PSMD1: variants seen among roughly 807,000 people sequenced by gnomAD.
The protein encoded by PSMD1 is 26S proteasome non-ATPase regulatory subunit 1.
In PSMD1, 18 loss-of-function variants were observed where a neutral mutation model predicts 119.0. The ratio of observed to expected loss-of-function variants is 0.15; its 90% CI spans 0.10 to 0.22. The LOEUF (loss-of-function observed/expected upper bound fraction) is 0.22, where lower values mean the gene tolerates loss of function less well. Ranked by LOEUF, PSMD1 falls within the 10% of genes least tolerant of loss-of-function variation. The probability of loss-of-function intolerance (pLI) is 1.00; values close to 1 mark genes in which losing one functional copy is unlikely to be tolerated. For synonymous variants in PSMD1, 374 were observed against 396.6 expected, an observed-to-expected ratio of 0.94 and a Z score of 0.68; for missense variants, 702 against 1,158.5, an observed-to-expected ratio of 0.61 and a Z score of 5.72.
Position 231,165,276 on chromosome 2 carries a change from A to G in PSMD1, c.2558A>G (p.Lys853Arg). Residue 853 changes from lysine (K) to arginine (R), a missense_variant, in exon 22 of 25, where the codon AAA (lysine) becomes AGA (arginine). Around this residue, in one of 9 missense-constraint regions of PSMD1, gnomAD observed 152 missense variants for 239.3 expected, o/e 0.64. Coordinates refer to ENST00000308696, the MANE Select transcript of PSMD1 (RefSeq NM_002807.4). ...EKEKEKKEEE[K>R]MEVDEAEKKE... ...GAAAAGGAAAAAAAGGAGGAGGAGA[A>G]AATGGAAGTGGTAGGTATAAATTGG... 1 of 1,598,722 alleles carries G rather than the reference A, an allele frequency of 6.3e-7. No homozygotes were observed. The highest frequency in any genetic ancestry group is 2.3e-5 in the East Asian group (1 of 44,024).
chr2:231,150,283 G>A (rs1696344213), intron 18 of PSMD1, among the ~76,000 whole-genome samples: 1 of 151,280 alleles, frequency 6.6e-6, no homozygotes, highest in Non-Finnish European at 1.5e-5. Flanking sequence ...GGAGGCGGAG[G>A]TTGCAGTGAG....
chr2:231,109,940 C>T (rs1453438947), intron 16 of PSMD1, among the ~76,000 whole-genome samples: 1 of 152,126 alleles, frequency 6.6e-6, no homozygotes, highest in African/African-American at 2.4e-5. Flanking sequence ...TTAGGGAAAA[C>T]TAAAGTTCAT....
chr2:231,098,399 TTCTC>T (rs966158664), intron 16 of PSMD1, among the ~76,000 whole-genome samples: 14 of 152,202 alleles, frequency 9.2e-5, no homozygotes, highest in African/African-American at 3.4e-4. Context: ...TGAGTTTCTG[TTCTC>T]TCTCTTTCTC....
intron 16 of PSMD1, among the ~76,000 whole-genome samples, chr2:231,129,188 TTACTA>T (rs574493644): frequency 6.6e-5 from 10 of 152,326 alleles, no homozygotes; most frequent in South Asian, 4.1e-4. Flanking sequence ...TTTATGTTGA[TTACTA>T]TAAAAATCAA....
At chr2:231,115,680 T>C (rs1695306621) in intron 16 of PSMD1, among the ~76,000 whole-genome samples, 1 of 152,096 alleles carries the variant, frequency 6.6e-6, no homozygotes, top group Non-Finnish European at 1.5e-5. Flanking sequence ...TGCAGATGAG[T>C]AAATTCAGGT....
At chr2:231,074,226 C>T (rs1694106716) in intron 7 of PSMD1, among the ~76,000 whole-genome samples, 1 of 152,280 alleles carries the variant, frequency 6.6e-6, no homozygotes. Context: ...CTGCCTCAGC[C>T]TCCTGAGTAG....
At chr2:231,118,834 TG>T (rs1475103553) in intron 16 of PSMD1, among the ~76,000 whole-genome samples, 2 of 152,234 alleles carry the variant, frequency 1.3e-5, no homozygotes, top group Non-Finnish European at 2.9e-5. Flanking sequence ...CCAAGTGGGC[TG>T]TTCCTATAGT....
At chr2:231,065,078 G>A (rs544527366) in intron 4 of PSMD1, among the ~76,000 whole-genome samples, 1 of 147,424 alleles carries the variant, frequency 6.8e-6, no homozygotes, top group Non-Finnish European at 1.5e-5. Flanking sequence ...CATTTAACCC[G>A]GGTCATCTAG....
At chr2:231,103,722 A>T (rs1369689965) in intron 16 of PSMD1, among the ~76,000 whole-genome samples, 2 of 152,190 alleles carry the variant, frequency 1.3e-5, no homozygotes, top group Non-Finnish European at 2.9e-5. Flanking sequence ...TTGTGACTGG[A>T]ACTCATCTAA....
rs1696886258 is a variant in PSMD1 at position 231,170,363 on chromosome 2, T to G, written c.2716-203T>G. On this transcript the variant is annotated intron_variant, in intron 23 of 24. Transcript: ENST00000308696. The surrounding 1 kb of genome is among the most constrained non-coding windows in gnomAD (Gnocchi z 4.1). ...ATCCAAGTAGAACAGCATCACATGTTATACCATCTAGAGCTACTGGGTTAA... is the reference window on the plus strand; with the variant it reads ...ATCCAAGTAGAACAGCATCACATGTGATACCATCTAGAGCTACTGGGTTAA... 2.2e-6 allele frequency: 1 copy of G among 458,138 alleles called. No homozygotes were observed. The highest frequency in any genetic ancestry group is 3.5e-5 in the East Asian group (1 of 28,892). 28.4% of individuals were successfully genotyped at this position (458,138 alleles called of 1,614,324 possible).
intron 16 of PSMD1, among the ~76,000 whole-genome samples, chr2:231,128,227 G>C (rs1053845416): frequency 6.6e-6 from 1 of 152,196 alleles, no homozygotes; most frequent in Non-Finnish European, 1.5e-5. Context: ...TGCTCATGGA[G>C]ATATATTAAT....
chr2:231,080,765 AC>A (rs1193413989), intron 12 of PSMD1, among the ~76,000 whole-genome samples: 3 of 152,218 alleles, frequency 2.0e-5, no homozygotes, highest in African/African-American at 7.2e-5. Flanking sequence ...ATGTAATTTT[AC>A]ACTAACTTCT....
chr2:231,058,608 G>A (rs1419089996), intron 1 of PSMD1, among the ~76,000 whole-genome samples: 1 of 151,708 alleles, frequency 6.6e-6, no homozygotes, highest in Non-Finnish European at 1.5e-5. Flanking sequence ...TGTGGCCCAG[G>A]GGAGCCAAAA....
chr2:231,161,215 G>A, intron 19 of PSMD1, 125 bp from the exon 20 acceptor site: 1 of 931,704 alleles, frequency 1.1e-6, no homozygotes, highest in Non-Finnish European at 1.6e-6. Flanking sequence ...CCGAGCTTGG[G>A]TAACAGTGAG....
At chr2:231,126,970 A>G (rs1331078817) in intron 16 of PSMD1, among the ~76,000 whole-genome samples, 1 of 152,106 alleles carries the variant, frequency 6.6e-6, no homozygotes, top group African/African-American at 2.4e-5. Flanking sequence ...AAGCACTTTA[A>G]GTAGAAAGTA....
chr2:231,087,774 A>G (rs1012903535), intron 16 of PSMD1, among the ~76,000 whole-genome samples: 1 of 152,112 alleles, frequency 6.6e-6, no homozygotes, highest in Non-Finnish European at 1.5e-5. Context: ...CACCCTGACT[A>G]ACACGGTGAA....
intron 16 of PSMD1, chr2:231,109,315 A>G (rs1695077642): frequency 6.2e-7 from 1 of 1,614,120 alleles, no homozygotes. Context: ...AGAGCATGAA[A>G]TCGCCAAAAC....
intron 17 of PSMD1, among the ~76,000 whole-genome samples, chr2:231,143,416 GAC>G (rs1267422340): frequency 6.6e-6 from 1 of 152,162 alleles, no homozygotes; most frequent in Non-Finnish European, 1.5e-5. Context: ...CTTTAGTAGA[GAC>G]GGGGTTTCAC....
intron 16 of PSMD1, among the ~76,000 whole-genome samples, chr2:231,136,450 T>C (rs907880545): frequency 1.3e-5 from 2 of 152,260 alleles, no homozygotes; most frequent in African/African-American, 4.8e-5. Context: ...GCCAATAGTT[T>C]ATGAATTTTA....
Sources: allele counts gnomAD v4.1 joint callset (sites outside exome capture counted in the v4.1 genomes callset), GRCh38; gene constraint gnomAD v4.1.1; regional missense constraint gnomAD v4.1.1; non-coding constraint Gnocchi (gnomAD v3.1); transcripts MANE v1.5; gene names NCBI Gene and HGNC (gene_info 2026-07-23, HGNC 2026-07-21).